Variants in LEMD3 observed in about 807,000 individuals in gnomAD.
The protein encoded by LEMD3 is LEM domain containing 3, also known as inner nuclear membrane protein Man1.
LEMD3 carries 33 observed loss-of-function variants against 95.2 expected under a neutral mutation model. The ratio of observed to expected loss-of-function variants is 0.35; its 90% CI spans 0.26 to 0.46. The LOEUF (loss-of-function observed/expected upper bound fraction) is 0.46, where lower values mean the gene tolerates loss of function less well. LEMD3 is among the 20% of genes least tolerant of loss of function. The pLI is 1.00. For missense variants in LEMD3, 1,210 were observed against 1,192.8 expected, an observed-to-expected ratio of 1.01 and a Z score of -0.21; for synonymous variants, 525 against 474.6, an observed-to-expected ratio of 1.11 and a Z score of -1.38.
chr12:65,241,546 A>C (rs1023366075), intron 9 of LEMD3, among the ~76,000 whole-genome samples: 1 of 151,910 alleles, frequency 6.6e-6, no homozygotes, highest in Non-Finnish European at 1.5e-5. Context: ...CCTCCTGCCA[A>C]GTAACTTTTG....
chr12:65,221,070 T>G (rs758204526), intron 4 of LEMD3, among the ~76,000 whole-genome samples: 1 of 152,218 alleles, frequency 6.6e-6, no homozygotes, highest in Non-Finnish European at 1.5e-5. Context: ...ATTGGGATTT[T>G]GTATTGCTGT....
chr12:65,183,700 C>A (rs942546698), intron 1 of LEMD3, among the ~76,000 whole-genome samples: 2 of 152,120 alleles, frequency 1.3e-5, no homozygotes, highest in African/African-American at 4.8e-5. Context: ...AAAGCACTGC[C>A]ACTAGCGTTT....
intron 1 of LEMD3, among the ~76,000 whole-genome samples, chr12:65,194,895 A>ATTTATAAATTATAATTTAT (rs1592438548): frequency 7.1e-6 from 1 of 141,308 alleles, no homozygotes; most frequent in Non-Finnish European, 1.5e-5. Flanking sequence ...ATAAAATTAA[A>ATTTATAAATTATAATTTAT]ATAAAATAAT....
intron 1 of LEMD3, among the ~76,000 whole-genome samples, chr12:65,204,916 A>G (rs1043327966): frequency 6.6e-6 from 1 of 152,182 alleles, no homozygotes; most frequent in East Asian, 1.9e-4. Flanking sequence ...AATTTCAGTT[A>G]TAGTCTCTGT....
At chr12:65,246,126 T>G (rs1341862894) in intron 12 of LEMD3, 36 bp from the exon 13 acceptor site, 3 of 1,523,354 alleles carry the variant, frequency 2.0e-6, no homozygotes, top group Non-Finnish European at 2.7e-6. Flanking sequence ...TTAAACAGTT[T>G]TACTGATCTA....
At chr12:65,176,360 C>T (rs181408534) in intron 1 of LEMD3, among the ~76,000 whole-genome samples, 197 of 152,270 alleles carry the variant, frequency 1.3e-3, no homozygotes, top group Non-Finnish European at 2.1e-3. Context: ...GAAATTTGTG[C>T]TTTTCTACCT....
intron 1 of LEMD3, among the ~76,000 whole-genome samples, chr12:65,204,010 CTA>C (rs1869685242): frequency 6.6e-6 from 1 of 152,068 alleles, no homozygotes; most frequent in Non-Finnish European, 1.5e-5. Flanking sequence ...TACTTTTAAT[CTA>C]TATGTGTCTT....
intron 1 of LEMD3, among the ~76,000 whole-genome samples, chr12:65,195,596 A>G (rs1455538240): frequency 6.6e-6 from 1 of 152,138 alleles, no homozygotes; most frequent in Admixed American, 6.5e-5. Context: ...TAGGTAGAGC[A>G]TTTATATCTC....
intron 4 of LEMD3, among the ~76,000 whole-genome samples, chr12:65,232,528 C>A (rs930014287): frequency 6.6e-6 from 1 of 152,002 alleles, no homozygotes; most frequent in African/African-American, 2.4e-5. Context: ...ATGTTTAATT[C>A]TTTATCCAGT....
intron 2 of LEMD3, 141 bp from the exon 3 acceptor site, chr12:65,215,836 A>G (rs1259266740): frequency 2.0e-6 from 1 of 509,652 alleles, no homozygotes; most frequent in Admixed American, 3.8e-5. Flanking sequence ...TATGGTGCCC[A>G]TTACTTAAAT....
At chr12:65,218,820 G>A (rs139776356) in intron 4 of LEMD3, among the ~76,000 whole-genome samples, 2 of 128,050 alleles carry the variant, frequency 1.6e-5, no homozygotes, top group East Asian at 4.4e-4. Flanking sequence ...ACACAGTTTC[G>A]CTCTTGTTCC....
At chr12:65,197,794 A>G (rs1869478503) in intron 1 of LEMD3, among the ~76,000 whole-genome samples, 1 of 152,044 alleles carries the variant, frequency 6.6e-6, no homozygotes, top group Non-Finnish European at 1.5e-5. Context: ...CTTTTTTATC[A>G]GACCTCTGCT....
intron 1 of LEMD3, among the ~76,000 whole-genome samples, chr12:65,177,855 T>TC (rs1555192005): frequency 6.6e-6 from 1 of 151,468 alleles, no homozygotes; most frequent in East Asian, 1.9e-4. Context: ...TTTTTTTTTT[T>TC]CAATATGAGA....
intron 1 of LEMD3, among the ~76,000 whole-genome samples, chr12:65,191,240 A>C (rs533361163): frequency 6.6e-6 from 1 of 152,226 alleles, no homozygotes; most frequent in Non-Finnish European, 1.5e-5. Flanking sequence ...GTTGCTTGCA[A>C]AAGCTTTCAG....
At chr12:65,204,162 CTTTTTTTTTTCA>C (rs1454984372) in intron 1 of LEMD3, among the ~76,000 whole-genome samples, 1 of 146,276 alleles carries the variant, frequency 6.8e-6, no homozygotes, top group East Asian at 2.0e-4. Flanking sequence ...AAGAAACTCA[CTTTTTTTTTTCA>C]TTTTTTTTTT....
Position 65,169,707 on chromosome 12 carries a change from G to T in LEMD3, c.111G>T (p.Pro37=). Residue 37 remains proline (P), a synonymous_variant, in exon 1 of 13, where the codon CCG becomes CCT. Transcript: ENST00000308330. ...SPGPVTESTR[P]VYLKKLKKLR... is the part of the protein sequence containing the mutation. ...GACCAGTGACGGAGAGCACCCGCCC[G>T]GTCTACCTCAAGAAGCTGAAGAAGC... 1 of 1,585,312 alleles carries T rather than the reference G, an allele frequency of 6.3e-7. No individual in the cohort carries two copies. Among genetic ancestry groups the T allele is most frequent in the Non-Finnish European group, 8.6e-7 (1 of 1,166,216 alleles).
chr12:65,238,760 C>T lies in LEMD3; in HGVS notation c.1867C>T (p.Arg623Cys), dbSNP rs200189969. 3.1e-6 allele frequency: 5 copies of T among 1,613,954 alleles called. No individual in the cohort carries two copies. Among genetic ancestry groups the T allele is most frequent in the East Asian group, 2.2e-5 (1 of 44,850 alleles). Residue 623 changes from arginine (R) to cysteine (C), a missense_variant, in exon 6 of 13, where the codon CGT becomes TGT. Arg to Cys is a radical substitution (Grantham distance 180). Around this residue, in one of 2 missense-constraint regions of LEMD3, gnomAD observed 461 missense variants for 569.8 expected, o/e 0.81. Transcript: ENST00000308330. ...AAGACCACTGATGTCTTTTTGGTGTCGTTTTCGACGTGCTTTTGTTACTGT... is the reference window on the plus strand; with the variant it reads ...AAGACCACTGATGTCTTTTTGGTGTTGTTTTCGACGTGCTTTTGTTACTGT... ...STRPLMSFWC[R>C]FRRAFVTVTH...
At chr12:65,187,331 A>G (rs993690277) in intron 1 of LEMD3, among the ~76,000 whole-genome samples, 2 of 152,078 alleles carry the variant, frequency 1.3e-5, no homozygotes, top group Non-Finnish European at 2.9e-5. Flanking sequence ...ATTCAATTCA[A>G]GGGATTCCAG....
intron 1 of LEMD3, among the ~76,000 whole-genome samples, chr12:65,187,273 T>C (rs1043884852): frequency 1.3e-5 from 2 of 152,006 alleles, no homozygotes; most frequent in Non-Finnish European, 2.9e-5. Flanking sequence ...AGAAAGTGAG[T>C]GTTTACTATG....
Sources: allele counts gnomAD v4.1 joint callset (sites outside exome capture counted in the v4.1 genomes callset), GRCh38; gene constraint gnomAD v4.1.1; regional missense constraint gnomAD v4.1.1; transcripts MANE v1.5; gene names NCBI Gene and HGNC (gene_info 2026-07-23, HGNC 2026-07-21).